Variants in PHYHD1 observed in about 807,000 individuals in gnomAD.
PHYHD1 encodes phytanoyl-CoA dioxygenase domain containing 1.
A neutral mutation model predicts 43.6 loss-of-function variants in PHYHD1; 42 were observed. The observed-to-expected ratio is 0.96, with a 90% confidence interval of 0.75 to 1.25. The LOEUF (loss-of-function observed/expected upper bound fraction) is 1.25, where lower values mean the gene tolerates loss of function less well. Ranked by LOEUF, PHYHD1 falls within the 50% of genes most tolerant of loss-of-function variation. PHYHD1 has a pLI of 0.00. For missense variants in PHYHD1, 342 were observed against 370.8 expected, an observed-to-expected ratio of 0.92 and a Z score of 0.64; for synonymous variants, 139 against 143.6, an observed-to-expected ratio of 0.97 and a Z score of 0.23.
At chr9:128,937,308 C>G (rs1275337603) in intron 8 of PHYHD1, among the ~76,000 whole-genome samples, 3 of 152,044 alleles carry the variant, frequency 2.0e-5, no homozygotes, top group Non-Finnish European at 4.4e-5. Context: ...GAGGGTCATC[C>G]CCAGGCCTCC....
At position 128,923,949 on chromosome 9, in the gene PHYHD1, C is replaced by T. The variant is rs142887482; in HGVS notation, c.33+1593C>T. On this transcript the variant is annotated intron_variant, in intron 3 of 12. Transcript: ENST00000372592. ...CCTGGCCAACATGGCGGAACCCTGT[C>T]TCTACTAAAAATACAAAAATTTAGC... 2.3e-3 allele frequency among the ~76,000 whole-genome samples: 348 copies of T among 152,170 alleles called. 2 individuals are homozygous for T. The highest frequency in any genetic ancestry group is 8.1e-3 in the African/African-American group (336 of 41,530).
intron 3 of PHYHD1, among the ~76,000 whole-genome samples, chr9:128,922,936 CTTTTT>C (rs59238657): frequency 0.29 from 26,311 of 90,482 alleles, 3,000 homozygotes; most frequent in Middle Eastern, 0.43. Context: ...ATGCCCAGCT[CTTTTT>C]TTTTTTTTTT....
intron 11 of PHYHD1, 83 bp downstream of exon 11, chr9:128,940,798 G>A: frequency 2.1e-6 from 3 of 1,417,626 alleles, no homozygotes; most frequent in Non-Finnish European, 1.9e-6. Flanking sequence ...CCAAGAGGTT[G>A]CCCTCGGGGT....
At chr9:128,926,593 C>G (rs1841141496) in intron 3 of PHYHD1, among the ~76,000 whole-genome samples, 1 of 121,194 alleles carries the variant, frequency 8.3e-6, no homozygotes, top group African/African-American at 3.2e-5. Flanking sequence ...GGAGTCTCAT[C>G]TGTTGCTCAG....
In PHYHD1 at chr9:128,941,747, C is replaced by G. The variant is rs141466531; in HGVS notation, c.*34C>G. ...GCAGGGCAGGAGCCCTCGCCCCTCC[C>G]GGGTGAAGCTGTGGGCTGTAAACAC... On this transcript the variant is annotated 3_prime_UTR_variant, in exon 13 of 13. Transcript: ENST00000372592. The G allele has an allele frequency of 6.2e-7, 1 of 1,613,902 alleles. No homozygotes were observed. Among genetic ancestry groups the G allele is most frequent in the Non-Finnish European group, 8.5e-7 (1 of 1,179,940 alleles).
chr9:128,933,827 T>C lies in PHYHD1; in HGVS notation c.238T>C (p.Phe80Leu). The C allele has an allele frequency of 5.6e-6, 9 of 1,614,172 alleles. No homozygotes were observed. Among genetic ancestry groups the C allele is most frequent in the Non-Finnish European group, 7.6e-6 (9 of 1,180,020 alleles). The change falls in exon 5 of 13, where the codon TTC (phenylalanine) becomes CTC (leucine). Residue 80 changes from phenylalanine to leucine, a missense_variant. Physicochemically the swap from Phe to Leu is conservative, Grantham distance 22 (BLOSUM62 0). Coordinates refer to ENST00000372592, the MANE Select transcript of PHYHD1 (RefSeq NM_001100876.2). ...GAGCAGTGGTGACAAGATTCGATTC[T>C]TCTTTGAGAAAGGCGTTTTTGATGA... ...FLSSGDKIRF[F>L]FEKGVFDEKG...
intron 4 of PHYHD1, among the ~76,000 whole-genome samples, chr9:128,930,562 A>G (rs1344390912): frequency 1.5e-4 from 23 of 151,270 alleles, no homozygotes; most frequent in African/African-American, 5.3e-4. Context: ...CCTGACCAAC[A>G]TGGAGGTTGA....
Position 128,941,680 on chromosome 9 carries a change from A to C in PHYHD1, c.843A>C (p.Thr281=), listed in dbSNP as rs1452412342. ...TWSPENWLQP[T]AELPFPQLYT ...CTATCCTCTGCAGGCTCCAGCCAAC[A>C]GCTGAACTGCCCTTTCCCCAACTGT... The change falls in exon 13 of 13, where the codon ACA becomes ACC. Residue 281 remains threonine, a synonymous_variant. Transcript: ENST00000372592. 6.2e-7 allele frequency: 1 copy of C among 1,614,174 alleles called. No homozygotes were observed. Among genetic ancestry groups the C allele is most frequent in the South Asian group, 1.1e-5 (1 of 91,084 alleles).
intron 8 of PHYHD1, 126 bp downstream of exon 8, chr9:128,936,771 C>A: frequency 8.7e-7 from 1 of 1,145,154 alleles, no homozygotes. Flanking sequence ...CATGGAAAAT[C>A]GGTCTCCTCT....
At chr9:128,937,858 G>T (rs1283779053) in intron 9 of PHYHD1, 80 bp downstream of exon 9, 2 of 1,607,936 alleles carry the variant, frequency 1.2e-6, no homozygotes, top group East Asian at 2.2e-5. Context: ...TCTTCAGAAG[G>T]AGGGAAAGCG....
In PHYHD1 at chr9:128,941,921, C is replaced by T; in HGVS notation, c.*208C>T. The T allele has an allele frequency of 1.6e-6, 1 of 633,268 alleles. No homozygotes were observed. Among genetic ancestry groups the T allele is most frequent in the Admixed American group, 2.9e-5 (1 of 34,090 alleles). The allele number at this position is 633,268 out of a possible 1,614,324, so 39.2% of individuals were successfully genotyped here. A position where few individuals can be genotyped will look rare whatever the true frequency, so the allele number is the denominator to read the frequency against. ...TGCCTCCCTACTGCCCCAACATAGC[C>T]TTGAGGAGGCTTCTCAGCCACCAAA... On this transcript the variant is annotated 3_prime_UTR_variant, in exon 13 of 13. Transcript: ENST00000372592.
At position 128,941,456 on chromosome 9, in the gene PHYHD1, C is replaced by T; in HGVS notation, c.715C>T (p.Leu239Phe). The T allele has an allele frequency of 6.2e-7, 1 of 1,613,602 alleles. No individual in the cohort carries two copies. The highest frequency in any genetic ancestry group is 8.5e-7 in the Non-Finnish European group (1 of 1,179,996). ...TGTGTCTCTGCCAGGGGCCCTGGTC[C>T]TCATCCATGGAGAAGTGGTACACAA... ...PTPVQRGALV[L>F]IHGEVVHKSK... The change falls in exon 12 of 13, where the codon CTC (leucine) becomes TTC (phenylalanine). Residue 239 changes from leucine to phenylalanine, a missense_variant. Physicochemically the swap from Leu to Phe is conservative, Grantham distance 22 (BLOSUM62 0). Coordinates refer to ENST00000372592, the MANE Select transcript of PHYHD1 (RefSeq NM_001100876.2).
At position 128,941,590 on chromosome 9, in the gene PHYHD1, G is replaced by A. The variant is rs1841563635; in HGVS notation, c.830+19G>A. The A allele has an allele frequency of 1.2e-6, 2 of 1,614,056 alleles. No individual in the cohort carries two copies. Among genetic ancestry groups the A allele is most frequent in the South Asian group, 2.2e-5 (2 of 91,084 alleles). ...AGAACTGGTAGGTGACAGGGTGGGTGTGTGTGCCCGACAGTCCCCTGGAGG... is the reference window on the plus strand; with the variant it reads ...AGAACTGGTAGGTGACAGGGTGGGTATGTGTGCCCGACAGTCCCCTGGAGG... On this transcript the variant is annotated intron_variant, in intron 12 of 12. Coordinates refer to ENST00000372592, the MANE Select transcript of PHYHD1 (RefSeq NM_001100876.2).
At chr9:128,938,362 T>G (rs1307216371) in intron 9 of PHYHD1, among the ~76,000 whole-genome samples, 1 of 151,776 alleles carries the variant, frequency 6.6e-6, no homozygotes, top group East Asian at 1.9e-4. Context: ...AAAAACAGAT[T>G]CCTGGGCCCT....
chr9:128,938,965 G>A lies in PHYHD1; in HGVS notation c.457+1187G>A, dbSNP rs1304866228. ...CCTTCTTCCACCATTCAGCCTGTAC[G>A]AAGTTCCCCAAAGGGATGACCATCC... On this transcript the variant is annotated intron_variant, in intron 9 of 12. Coordinates refer to ENST00000372592, the MANE Select transcript of PHYHD1 (RefSeq NM_001100876.2). 3.8e-5 allele frequency among the ~76,000 whole-genome samples: 5 copies of A among 130,540 alleles called. 2 individuals are homozygous for A. The highest frequency in any genetic ancestry group is 3.6e-5 in the Non-Finnish European group (2 of 56,072). 85.6% of individuals were successfully genotyped at this position (130,540 alleles called of 152,430 possible). A position where few individuals can be genotyped will look rare whatever the true frequency, so the allele number is the denominator to read the frequency against.
At chr9:128,932,175 A>ATTTTTTTTTTTTTTTT (rs1164525938) in intron 4 of PHYHD1, among the ~76,000 whole-genome samples, 3 of 107,120 alleles carry the variant, frequency 2.8e-5, no homozygotes, top group African/African-American at 9.0e-5. Context: ...TATTGTTATT[A>ATTTTTTTTTTTTTTTT]TTATTATTAT....
rs949579137 is a variant in PHYHD1 at position 128,937,282 on chromosome 9, A to AT, written c.436-472dup. Among the ~76,000 whole-genome samples the AT allele has an allele frequency of 2.9e-4, 44 of 152,064 alleles. 1 individual carries two copies. The highest frequency in any genetic ancestry group is 1.0e-3 in the Admixed American group (16 of 15,246). ...GGAAGAAAAAAAAAAAGAAAAAAAAATTTGGTGGTAGGAGGGAGGGTCATC... is the reference window on the plus strand; with the variant it reads ...GGAAGAAAAAAAAAAAGAAAAAAAAATTTTGGTGGTAGGAGGGAGGGTCATC... On this transcript the variant is annotated intron_variant, in intron 8 of 12. Transcript: ENST00000372592.
chr9:128,933,181 G>T (rs1170296428), intron 4 of PHYHD1, among the ~76,000 whole-genome samples: 3 of 126,352 alleles, frequency 2.4e-5, no homozygotes, highest in Non-Finnish European at 4.9e-5. Context: ...TTGAGACAGA[G>T]TCTCACTCTG....
Position 128,933,877 on chromosome 9 carries a change from G to A in PHYHD1, c.268+20G>A. 1.2e-6 allele frequency: 2 copies of A among 1,612,372 alleles called. No homozygotes were observed. Among genetic ancestry groups the A allele is most frequent in the South Asian group, 1.1e-5 (1 of 91,044 alleles). ...AGAAAGGTTTGGAGCTGGGGCCCTA[G>A]AGCTGGGGAGGAGCCATGGTGAGGG... On this transcript the variant is annotated intron_variant, in intron 5 of 12. Coordinates refer to ENST00000372592, the MANE Select transcript of PHYHD1 (RefSeq NM_001100876.2).
Sources: gnomAD v4.1 joint callset for allele counts (sites outside exome capture counted in the v4.1 genomes callset) on GRCh38, gnomAD v4.1.1 for gene constraint, MANE v1.5 for transcripts, NCBI Gene and HGNC (gene_info 2026-07-23, HGNC 2026-07-21) for gene names.